Variants in ESCO1 observed in about 807,000 individuals in gnomAD.
ESCO1 encodes establishment of sister chromatid cohesion N-acetyltransferase 1, also known as N-acetyltransferase ESCO1.
Under a neutral mutation model 83.5 loss-of-function variants are expected in ESCO1, and 33 were observed. The observed-to-expected ratio is 0.40, with a 90% CI of 0.30 to 0.53. The LOEUF is 0.53. ESCO1 is among the 20% of genes least tolerant of loss of function. The pLI, the probability that ESCO1 is intolerant of heterozygous loss-of-function variation, is 0.63. For synonymous variants in ESCO1, 332 were observed against 324.3 expected (o/e 1.02, Z -0.25); for missense variants, 855 against 968.0 (o/e 0.88, Z 1.55).
intron 8 of ESCO1, among the ~76,000 whole-genome samples, chr18:21,553,964 A>G (rs2038080650): frequency 6.6e-6 from 1 of 152,006 alleles, no homozygotes; most frequent in Non-Finnish European, 1.5e-5. Flanking sequence ...AAAAATTAAA[A>G]TTAAAATAAA....
chr18:21,569,935 A>G (rs778157070), intron 4 of ESCO1, among the ~76,000 whole-genome samples: 6 of 152,166 alleles, frequency 3.9e-5, no homozygotes, highest in Non-Finnish European at 7.4e-5. Context: ...CAGGAAACCT[A>G]TCCATGTTCT....
intron 8 of ESCO1, 118 bp downstream of exon 8, chr18:21,560,741 T>C (rs1301190544): frequency 1.0e-5 from 13 of 1,255,680 alleles, no homozygotes; most frequent in Non-Finnish European, 1.4e-5. Flanking sequence ...GCTTTGTACA[T>C]ATTATTATCT....
chr18:21,558,561 T>C (rs978661084), intron 8 of ESCO1, among the ~76,000 whole-genome samples: 2 of 152,018 alleles, frequency 1.3e-5, no homozygotes, highest in Non-Finnish European at 1.5e-5. Context: ...AAACTCCATC[T>C]CTACTAAAAA....
intron 8 of ESCO1, among the ~76,000 whole-genome samples, chr18:21,542,933 C>T (rs2037925644): frequency 6.6e-6 from 1 of 152,120 alleles, no homozygotes. Flanking sequence ...AATCAAATAG[C>T]CACAACGTTT....
Position 21,574,360 on chromosome 18 carries a change from T to C in ESCO1, c.484A>G (p.Ser162Gly). ...GTTTTATTAGATTTACTCTGAGTACTGCTACACTGCTCTTTTTTAGTTGGT... is the reference window on the plus strand; with the variant it reads ...GTTTTATTAGATTTACTCTGAGTACCGCTACACTGCTCTTTTTTAGTTGGT... ...LPPTKKEQCS[S>G]TQSKSNKTSQ... The change falls in exon 4 of 12, where the codon AGT becomes GGT. Residue 162 changes from serine (S) to glycine (G), a missense_variant. Transcript: ENST00000269214. The C allele has an allele frequency of 6.2e-7, 1 of 1,614,116 alleles. No homozygotes were observed. Among genetic ancestry groups the C allele is most frequent in the Non-Finnish European group, 8.5e-7 (1 of 1,180,028 alleles).
intron 8 of ESCO1, 99 bp downstream of exon 8, chr18:21,560,758 AAC>A (rs2038174028): frequency 7.0e-7 from 1 of 1,434,448 alleles, no homozygotes; most frequent in African/African-American, 1.4e-5. Context: ...ATCTCTTAAA[AAC>A]ATAAATTTTT....
At chr18:21,567,885 T>C (rs2038284454) in intron 5 of ESCO1, 95 bp downstream of exon 5, 1 of 848,914 alleles carries the variant, frequency 1.2e-6, no homozygotes. Context: ...TTAAAAAGAA[T>C]TTAACAACCC....
intron 8 of ESCO1, among the ~76,000 whole-genome samples, chr18:21,559,653 GAAGTATTCTAT>G (rs2038157720): frequency 1.3e-5 from 2 of 152,224 alleles, no homozygotes; most frequent in South Asian, 4.2e-4. Context: ...TTTTGTCCTA[GAAGTATTCTAT>G]AATTTAGCTA....
At chr18:21,598,784 C>A (rs573429037) in intron 1 of ESCO1, among the ~76,000 whole-genome samples, 3 of 152,116 alleles carry the variant, frequency 2.0e-5, no homozygotes, top group Admixed American at 1.3e-4. Flanking sequence ...ATATTTTCCT[C>A]AGTTAGCAAT....
At chr18:21,575,823 A>G in intron 2 of ESCO1, 46 bp from the exon 3 acceptor site, 1 of 396,974 alleles carries the variant, frequency 2.5e-6, no homozygotes, top group South Asian at 1.3e-4. Flanking sequence ...GACAAAGGAA[A>G]GATGTAATCA....
At chr18:21,539,123 C>A (rs943117236) in intron 9 of ESCO1, among the ~76,000 whole-genome samples, 1 of 151,720 alleles carries the variant, frequency 6.6e-6, no homozygotes, top group Non-Finnish European at 1.5e-5. Context: ...GGAATATATC[C>A]TTATATCTTA....
At chr18:21,570,457 T>C (rs772956769) in intron 4 of ESCO1, among the ~76,000 whole-genome samples, 2 of 152,174 alleles carry the variant, frequency 1.3e-5, no homozygotes, top group African/African-American at 2.4e-5. Flanking sequence ...CCCATAGTTT[T>C]AAAAATACTC....
chr18:21,565,478 T>C (rs1024667017), intron 6 of ESCO1, among the ~76,000 whole-genome samples: 7 of 152,220 alleles, frequency 4.6e-5, no homozygotes, highest in South Asian at 2.1e-4. Context: ...ATAAGTTCTA[T>C]AGCTATGAGA....
At chr18:21,537,561 AAT>A (rs1453129070) in intron 9 of ESCO1, among the ~76,000 whole-genome samples, 4 of 152,080 alleles carry the variant, frequency 2.6e-5, no homozygotes, top group East Asian at 3.9e-4. Flanking sequence ...AAAAACTAAA[AAT>A]AGAGTCCAAT....
intron 1 of ESCO1, among the ~76,000 whole-genome samples, chr18:21,595,628 G>A (rs1391960399): frequency 6.7e-6 from 1 of 148,526 alleles, no homozygotes; most frequent in African/African-American, 2.5e-5. Flanking sequence ...AGATTGCGCC[G>A]CTGCACTCTA....
Position 21,530,353 on chromosome 18 carries a change from T to A in ESCO1, c.2513A>T (p.Asn838Ile). Residue 838 changes from asparagine to isoleucine, a missense_variant, in exon 12 of 12, where the codon AAT (asparagine) becomes ATT (isoleucine). Physicochemically the swap from Asn to Ile is moderately radical, Grantham distance 149. Coordinates refer to ENST00000269214, the MANE Select transcript of ESCO1 (RefSeq NM_052911.3). ...FLVYNFINGQ[N>I]ST The stretch of plus-strand genomic sequence containing the variant: ...AGGCAAGAATTTGTTTTACGTGCTA[T>A]TCTGTCCATTAATAAAATTATATAC... 2.5e-6 allele frequency: 4 copies of A among 1,603,616 alleles called. No homozygotes were observed. Among genetic ancestry groups the A allele is most frequent in the Non-Finnish European group, 3.4e-6 (4 of 1,176,938 alleles).
rs111777305 is a variant in ESCO1, at chr18:21,537,503, C to T, written c.2044-1318G>A. Among the ~76,000 whole-genome samples, 834 of 152,264 alleles carry T rather than the reference C, an allele frequency of 5.5e-3. 7 individuals are homozygous for T. The highest frequency in any genetic ancestry group is 6.9e-3 in the Non-Finnish European group (472 of 68,020). ...TGAGCTATGATCACACCACTGCACT[C>T]CAGCCTGGGTGACAGAGTGGAATTC... On this transcript the variant is annotated intron_variant, in intron 9 of 11. Coordinates refer to ENST00000269214, the MANE Select transcript of ESCO1 (RefSeq NM_052911.3).
intron 11 of ESCO1, 25 bp downstream of exon 11, chr18:21,532,448 A>G (rs1350070462): frequency 5.7e-6 from 9 of 1,591,310 alleles, no homozygotes; most frequent in Non-Finnish European, 7.7e-6. Context: ...ACTAAAAATG[A>G]TTTGAAGGAT....
intron 1 of ESCO1, among the ~76,000 whole-genome samples, chr18:21,592,347 T>C (rs1226210823): frequency 6.9e-6 from 1 of 144,296 alleles, no homozygotes; most frequent in African/African-American, 2.6e-5. Flanking sequence ...GCCCCTCACC[T>C]CCCGGACGAG....
Sources: gnomAD v4.1 joint callset for allele counts (sites outside exome capture counted in the v4.1 genomes callset) on GRCh38, gnomAD v4.1.1 for gene constraint, MANE v1.5 for transcripts, NCBI Gene and HGNC (gene_info 2026-07-23, HGNC 2026-07-21) for gene names.